The following PLD1 variants were observed in gnomAD, a reference collection of about 807,000 sequenced individuals.
PLD1 encodes the protein choline phosphatase 1.
Under a neutral mutation model 137.1 loss-of-function variants are expected in PLD1, and 112 were observed. The observed-to-expected ratio is 0.82, with a 90% CI of 0.70 to 0.96. The LOEUF (loss-of-function observed/expected upper bound fraction) is 0.96, where lower values mean the gene tolerates loss of function less well. PLD1 is among the 40% of genes least tolerant of loss of function. The pLI is 0.00. For synonymous variants in PLD1, 431 were observed against 454.7 expected (o/e 0.95, Z 0.66); for missense variants, 1,321 against 1,342.0 (o/e 0.98, Z 0.24).
chr3:171,737,883 C>G lies in PLD1; in HGVS notation c.160+9G>C. On this transcript the variant is annotated intron_variant, in intron 2 of 26. Coordinates refer to ENST00000351298, the MANE Select transcript of PLD1 (RefSeq NM_002662.5). Reference sequence around the variant, plus strand: ...TCTTTTCTTCCCCGCTCAGATCATCCGTCTTTACCTTCTTGTATCTTGGGA... The same window carrying G: ...TCTTTTCTTCCCCGCTCAGATCATCGGTCTTTACCTTCTTGTATCTTGGGA... 2 of 1,611,100 alleles carry G rather than the reference C, an allele frequency of 1.2e-6. No homozygotes were observed. The highest frequency in any genetic ancestry group is 1.7e-4 in the Middle Eastern group (1 of 5,856).
intron 21 of PLD1, among the ~76,000 whole-genome samples, chr3:171,654,799 G>GT (rs142968390): frequency 2.9e-4 from 43 of 148,872 alleles, no homozygotes; most frequent in South Asian, 8.5e-4. Flanking sequence ...TTTGTTTTTT[G>GT]TTTTTTTTTT....
chr3:171,730,002 C>T (rs1560257799), intron 6 of PLD1, among the ~76,000 whole-genome samples: 1 of 152,164 alleles, frequency 6.6e-6, no homozygotes, highest in East Asian at 1.9e-4. Context: ...ATCCTATCAC[C>T]TTAGGGCCCT....
At chr3:171,810,376 C>A (rs1041118201) in intron 1 of PLD1, 23 bp downstream of exon 1, 2 of 152,264 alleles carry the variant, frequency 1.3e-5, no homozygotes, top group Non-Finnish European at 2.9e-5. Flanking sequence ...GCCCGGTGAT[C>A]CGGGTCTCGG....
intron 12 of PLD1, among the ~76,000 whole-genome samples, chr3:171,695,962 T>C (rs1046600474): frequency 9.2e-5 from 14 of 152,206 alleles, no homozygotes; most frequent in Non-Finnish European, 1.9e-4. Context: ...AAGCTGAAGA[T>C]ACCTTCCCTG....
chr3:171,788,941 C>T (rs902315467), intron 1 of PLD1: 1 of 152,156 alleles, frequency 6.6e-6, no homozygotes, highest in Non-Finnish European at 1.5e-5. Flanking sequence ...TATTGCATAA[C>T]TACCCTGTGC....
intron 25 of PLD1, among the ~76,000 whole-genome samples, chr3:171,605,887 G>A (rs1375698857): frequency 6.6e-6 from 1 of 152,190 alleles, no homozygotes; most frequent in African/African-American, 2.4e-5. Flanking sequence ...GAAGACCTGT[G>A]CTATTTGGAA....
intron 1 of PLD1, among the ~76,000 whole-genome samples, chr3:171,754,214 C>T (rs2108295897): frequency 6.6e-6 from 1 of 152,278 alleles, no homozygotes; most frequent in East Asian, 1.9e-4. Flanking sequence ...CTATTGGGTT[C>T]TCAGTCACTG....
intron 8 of PLD1, among the ~76,000 whole-genome samples, chr3:171,720,524 A>G (rs1183698199): frequency 6.6e-6 from 1 of 151,510 alleles, no homozygotes; most frequent in African/African-American, 2.4e-5. Context: ...CGGAGCTTGC[A>G]GTGAGCGGAG....
intron 13 of PLD1, among the ~76,000 whole-genome samples, chr3:171,690,933 T>C (rs1715094052): frequency 6.6e-6 from 1 of 152,224 alleles, no homozygotes; most frequent in Non-Finnish European, 1.5e-5. Flanking sequence ...TGTTGAAGTC[T>C]CCAACTATTA....
In PLD1 at chr3:171,735,535, G is replaced by A; in HGVS notation, c.391C>T (p.Leu131Phe). The A allele has an allele frequency of 6.2e-7, 1 of 1,613,220 alleles. No individual in the cohort carries two copies. The highest frequency in any genetic ancestry group is 1.3e-5 in the African/African-American group (1 of 75,020). Residue 131 changes from leucine (L) to phenylalanine (F), a missense_variant, in exon 4 of 27, where the codon CTC becomes TTC. Coordinates refer to ENST00000351298, the MANE Select transcript of PLD1 (RefSeq NM_002662.5). ...KHFQEFHREL[L>F]KYKAFIRIPI... ...ATGCGGATAAAGGCTTTGTACTTGA[G>A]CAGCTCTCTGTGAAATTCTTGAAAA...
At chr3:171,657,176 TAAC>T (rs1270242228) in intron 21 of PLD1, among the ~76,000 whole-genome samples, 1 of 152,194 alleles carries the variant, frequency 6.6e-6, no homozygotes, top group Non-Finnish European at 1.5e-5. Flanking sequence ...ACAGCAATAA[TAAC>T]AACAATAACA....
chr3:171,637,394 C>A (rs1277293390), intron 23 of PLD1, among the ~76,000 whole-genome samples: 1 of 135,724 alleles, frequency 7.4e-6, no homozygotes, highest in Non-Finnish European at 1.6e-5. Context: ...TGCCACCACG[C>A]CCAGCTAATT....
chr3:171,615,701 A>C (rs1199198930), intron 24 of PLD1, among the ~76,000 whole-genome samples: 1 of 152,206 alleles, frequency 6.6e-6, no homozygotes, highest in Non-Finnish European at 1.5e-5. Context: ...TTTTCTGTAC[A>C]TAATTGTAAT....
chr3:171,773,176 C>G (rs1016929626), intron 1 of PLD1, among the ~76,000 whole-genome samples: 1 of 152,136 alleles, frequency 6.6e-6, no homozygotes, highest in African/African-American at 2.4e-5. Context: ...TGATATTAAC[C>G]TTAATGAAGA....
chr3:171,802,170 G>A (rs536502414), intron 1 of PLD1, among the ~76,000 whole-genome samples: 1 of 152,330 alleles, frequency 6.6e-6, no homozygotes, highest in South Asian at 2.1e-4. Context: ...TGGAAAGGTA[G>A]TCATTCAACA....
At chr3:171,664,023 G>A (rs1420094401) in intron 19 of PLD1, among the ~76,000 whole-genome samples, 1 of 152,102 alleles carries the variant, frequency 6.6e-6, no homozygotes, top group Non-Finnish European at 1.5e-5. Context: ...ATCCTCAGTA[G>A]TGTTATTTCT....
At chr3:171,680,240 CTCTT>C (rs1713829328) in intron 16 of PLD1, among the ~76,000 whole-genome samples, 3 of 135,664 alleles carry the variant, frequency 2.2e-5, no homozygotes, top group South Asian at 4.9e-4. Context: ...CTTTTTCTTC[CTCTT>C]TTTTTTTTTT....
chr3:171,726,007 T>C lies in PLD1; in HGVS notation c.665+11A>G. On this transcript the variant is annotated intron_variant, in intron 7 of 26. Coordinates refer to ENST00000351298, the MANE Select transcript of PLD1 (RefSeq NM_002662.5). ...TTTCATACTTCTCTTTTAAGGTTTATTGCAACTTACATGCCCTTTGGTCCC... is the reference window on the plus strand; with the variant it reads ...TTTCATACTTCTCTTTTAAGGTTTACTGCAACTTACATGCCCTTTGGTCCC... 6.3e-7 allele frequency: 1 copy of C among 1,580,098 alleles called. No individual in the cohort carries two copies.
chr3:171,671,225 A>G (rs562639882), intron 19 of PLD1, among the ~76,000 whole-genome samples: 1 of 152,258 alleles, frequency 6.6e-6, no homozygotes, highest in South Asian at 2.1e-4. Flanking sequence ...ACTTTTATAT[A>G]CCCATTTTAT....
Sources: gnomAD v4.1 joint callset for allele counts (sites outside exome capture counted in the v4.1 genomes callset) on GRCh38, gnomAD v4.1.1 for gene constraint, MANE v1.5 for transcripts, NCBI Gene and HGNC (gene_info 2026-07-23, HGNC 2026-07-21) for gene names.